Variants in CAMTA1 observed in about 807,000 individuals in gnomAD.
CAMTA1 encodes the protein calmodulin binding transcription activator 1.
A neutral mutation model predicts 170.9 loss-of-function variants in CAMTA1; 27 were observed. That is an observed-to-expected ratio of 0.16 (90% confidence interval 0.12 to 0.22). The LOEUF is 0.22. CAMTA1 is among the 10% of genes least tolerant of loss of function. The pLI, the probability that CAMTA1 is intolerant of heterozygous loss-of-function variation, is 1.00. For missense variants in CAMTA1, 1,619 were observed against 2,217.2 expected, an observed-to-expected ratio of 0.73 and a Z score of 5.42; for synonymous variants, 833 against 891.5, an observed-to-expected ratio of 0.93 and a Z score of 1.17.
At chr1:6,956,336 T>C (rs147257422) in intron 3 of CAMTA1, among the ~76,000 whole-genome samples, 68 of 152,290 alleles carry the variant, frequency 4.5e-4, no homozygotes, top group African/African-American at 1.5e-3. Flanking sequence ...CAGAGGCTGA[T>C]GGGGCCTTGT....
chr1:7,651,190 T>A (rs139555752), intron 7 of CAMTA1, among the ~76,000 whole-genome samples: 283 of 152,294 alleles, frequency 1.9e-3, no homozygotes, highest in African/African-American at 6.5e-3. Context: ...ATGGCCACCC[T>A]CTTTCTGGGT....
chr1:6,858,512 A>G (rs1425373504), intron 3 of CAMTA1, among the ~76,000 whole-genome samples: 1 of 137,570 alleles, frequency 7.3e-6, no homozygotes, highest in Non-Finnish European at 1.5e-5. Flanking sequence ...TGATTGTTTT[A>G]TGCCCATTAC....
At chr1:7,022,222 C>T (rs1701453209) in intron 3 of CAMTA1, among the ~76,000 whole-genome samples, 1 of 152,198 alleles carries the variant, frequency 6.6e-6, no homozygotes. Context: ...CAGGCAGTCA[C>T]CCCCTTCCTT....
chr1:7,045,865 G>A (rs989660650), intron 3 of CAMTA1, among the ~76,000 whole-genome samples: 2 of 152,190 alleles, frequency 1.3e-5, no homozygotes, highest in African/African-American at 4.8e-5. Flanking sequence ...CAGAGGCCTC[G>A]AATGTGCCCG....
chr1:7,664,367 A>G lies in CAMTA1; in HGVS notation c.1820A>G (p.His607Arg). The change falls in exon 9 of 23, where the codon CAC becomes CGC. Residue 607 changes from histidine (H) to arginine (R), a missense_variant. Around this residue, in one of 8 missense-constraint regions of CAMTA1, gnomAD observed 731 missense variants for 907.6 expected, o/e 0.81. Transcript: ENST00000303635. ...SSFSQTGHSP[H>R]IHQTPSPSFF... ...TTCAGCCAGACGGGCCACAGCCCCC[A>G]CATCCACCAGACCCCCTCCCCGAGC... 2 of 1,613,684 alleles carry G rather than the reference A, an allele frequency of 1.2e-6. No individual in the cohort carries two copies. Among genetic ancestry groups the G allele is most frequent in the Non-Finnish European group, 1.7e-6 (2 of 1,180,016 alleles).
chr1:7,117,576 G>A (rs1376075079), intron 4 of CAMTA1, among the ~76,000 whole-genome samples: 1 of 152,070 alleles, frequency 6.6e-6, no homozygotes, highest in Non-Finnish European at 1.5e-5. Flanking sequence ...AACCTAACTG[G>A]CTCAAAACCC....
intron 4 of CAMTA1, among the ~76,000 whole-genome samples, chr1:7,100,023 T>C (rs1045966538): frequency 6.6e-6 from 1 of 152,182 alleles, no homozygotes; most frequent in African/African-American, 2.4e-5. Flanking sequence ...CGGGAGGGTC[T>C]ATTGCCCCCT....
At chr1:7,591,744 C>T (rs1251893804) in intron 6 of CAMTA1, among the ~76,000 whole-genome samples, 1 of 152,202 alleles carries the variant, frequency 6.6e-6, no homozygotes, top group Non-Finnish European at 1.5e-5. Context: ...TTGGATCTCT[C>T]TGCCCATGGT....
At chr1:6,874,482 G>C (rs1669275227) in intron 3 of CAMTA1, 1 of 152,258 alleles carries the variant, frequency 6.6e-6, no homozygotes, top group South Asian at 2.1e-4. Flanking sequence ...GCCATGTAGT[G>C]TGGCTGATCC....
At chr1:7,069,928 C>T (rs1638383420) in intron 3 of CAMTA1, among the ~76,000 whole-genome samples, 1 of 152,240 alleles carries the variant, frequency 6.6e-6, no homozygotes, top group Non-Finnish European at 1.5e-5. Flanking sequence ...TTATAAAGCC[C>T]GGCACCAGCG....
chr1:7,266,140 C>T (rs1041320407), intron 5 of CAMTA1, among the ~76,000 whole-genome samples: 18 of 152,330 alleles, frequency 1.2e-4, no homozygotes, highest in South Asian at 2.1e-4. Context: ...TATGCAGATC[C>T]AGTAGATTGG....
intron 6 of CAMTA1, among the ~76,000 whole-genome samples, chr1:7,513,006 C>T (rs2094223052): frequency 6.6e-6 from 1 of 152,220 alleles, no homozygotes; most frequent in Non-Finnish European, 1.5e-5. Flanking sequence ...CTTGGCCTCC[C>T]ACTGAGCAAG....
chr1:7,692,648 GC>G (rs1194678626), intron 11 of CAMTA1, among the ~76,000 whole-genome samples: 1 of 152,160 alleles, frequency 6.6e-6, no homozygotes, highest in African/African-American at 2.4e-5. Context: ...CACCAGCCAG[GC>G]CCCAGGCCTG....
intron 4 of CAMTA1, among the ~76,000 whole-genome samples, chr1:7,175,150 A>G (rs1650524290): frequency 6.6e-6 from 1 of 152,162 alleles, no homozygotes; most frequent in Admixed American, 6.5e-5. Flanking sequence ...GCCCAAGCAC[A>G]CACTTGGATG....
intron 4 of CAMTA1, among the ~76,000 whole-genome samples, chr1:7,155,358 C>T (rs139413957): frequency 0.01 from 1,431 of 142,490 alleles, 59 homozygotes; most frequent in Non-Finnish European, 4.8e-3. Flanking sequence ...GGAGGGAGGT[C>T]GAGATCCCAG....
chr1:7,582,937 C>T (rs1291072524), intron 6 of CAMTA1, among the ~76,000 whole-genome samples: 1 of 151,978 alleles, frequency 6.6e-6, no homozygotes, highest in African/African-American at 2.4e-5. Flanking sequence ...CCTCTCTCAG[C>T]ACAGTATCAC....
chr1:6,926,476 C>CTT (rs1396645181), intron 3 of CAMTA1, among the ~76,000 whole-genome samples: 1 of 137,156 alleles, frequency 7.3e-6, no homozygotes, highest in Non-Finnish European at 1.6e-5. Context: ...TTCTTTCTTT[C>CTT]TTTCTTTCTT....
intron 3 of CAMTA1, among the ~76,000 whole-genome samples, chr1:6,936,981 C>G (rs1052956878): frequency 3.3e-5 from 5 of 151,828 alleles, no homozygotes; most frequent in Non-Finnish European, 7.4e-5. Context: ...GAGTGAGACT[C>G]TGTTTAAAAA....
intron 1 of CAMTA1, among the ~76,000 whole-genome samples, chr1:6,792,378 A>G (rs1246754713): frequency 2.7e-5 from 4 of 148,168 alleles, no homozygotes; most frequent in South Asian, 4.2e-4. Context: ...TGCTAGCTGT[A>G]TATTTCTAAG....
Sources: allele counts gnomAD v4.1 joint callset (sites outside exome capture counted in the v4.1 genomes callset), GRCh38; gene constraint gnomAD v4.1.1; regional missense constraint gnomAD v4.1.1; transcripts MANE v1.5; gene names NCBI Gene and HGNC (gene_info 2026-07-23, HGNC 2026-07-21).